NR3C2: variants seen among roughly 807,000 people sequenced by gnomAD.
The protein encoded by NR3C2 is nuclear receptor subfamily 3 group C member 2, also known as mineralocorticoid receptor.
Under a neutral mutation model 86.4 loss-of-function variants are expected in NR3C2, and 15 were observed. That is an observed-to-expected ratio of 0.17 (90% CI 0.12 to 0.27). NR3C2 has a LOEUF of 0.27. Among genes scored for constraint, NR3C2 ranks in the 10% least tolerant of loss-of-function variants. The pLI is 1.00. For synonymous variants in NR3C2, 458 were observed against 450.5 expected, an observed-to-expected ratio of 1.02 and a Z score of -0.21; for missense variants, 960 against 1,195.6, an observed-to-expected ratio of 0.80 and a Z score of 2.91.
intron 4 of NR3C2, among the ~76,000 whole-genome samples, chr4:148,187,717 G>C (rs1018692653): frequency 6.6e-6 from 1 of 152,120 alleles, no homozygotes; most frequent in Non-Finnish European, 1.5e-5. Context: ...AAGCTCTTTA[G>C]TTTAATAAGG....
chr4:148,277,775 C>T (rs1434310982), intron 2 of NR3C2, among the ~76,000 whole-genome samples: 1 of 152,126 alleles, frequency 6.6e-6, no homozygotes, highest in African/African-American at 2.4e-5. Context: ...TGACCCCACC[C>T]CACACCAGCA....
At chr4:148,247,580 T>C (rs1739378651) in intron 3 of NR3C2, among the ~76,000 whole-genome samples, 1 of 151,486 alleles carries the variant, frequency 6.6e-6, no homozygotes, top group Non-Finnish European at 1.5e-5. Context: ...ATTTAAAAAA[T>C]AGAAGCACAC....
chr4:148,261,413 T>TGCGCTATGGTAA (rs1272212030), intron 2 of NR3C2, among the ~76,000 whole-genome samples: 2 of 151,724 alleles, frequency 1.3e-5, no homozygotes, highest in Admixed American at 6.6e-5. Context: ...AGTGCTATGG[T>TGCGCTATGGTAA]GCGCTATGGT....
intron 2 of NR3C2, among the ~76,000 whole-genome samples, chr4:148,371,146 G>T (rs1320799813): frequency 2.4e-4 from 37 of 152,096 alleles, no homozygotes; most frequent in Admixed American, 2.4e-3. Context: ...GGGGTAAATG[G>T]GGAATCCATC....
At chr4:148,249,069 C>A (rs72655213) in intron 3 of NR3C2, among the ~76,000 whole-genome samples, 1 of 152,096 alleles carries the variant, frequency 6.6e-6, no homozygotes, top group Admixed American at 6.6e-5. Context: ...TTGGAACCTA[C>A]AATGGTGCCG....
At chr4:148,348,845 T>A (rs986345766) in intron 2 of NR3C2, among the ~76,000 whole-genome samples, 1 of 152,166 alleles carries the variant, frequency 6.6e-6, no homozygotes, top group African/African-American at 2.4e-5. Context: ...GTTTATTGGC[T>A]TTATCAAAAG....
At chr4:148,204,048 T>C (rs1415861179) in intron 3 of NR3C2, among the ~76,000 whole-genome samples, 1 of 152,198 alleles carries the variant, frequency 6.6e-6, no homozygotes, top group Non-Finnish European at 1.5e-5. Flanking sequence ...AAGCACAAAA[T>C]TCCCACATAA....
chr4:148,135,645 C>A (rs898624971), intron 6 of NR3C2, among the ~76,000 whole-genome samples: 24 of 152,000 alleles, frequency 1.6e-4, no homozygotes, highest in Non-Finnish European at 1.0e-4. Flanking sequence ...GTAATTTCTG[C>A]AACTGAAATT....
rs191538285 is a variant in NR3C2, at chr4:148,247,368, T to C, written c.1897+12610A>G. On this transcript the variant is annotated intron_variant, in intron 3 of 8. Transcript: ENST00000358102. ...TTACAACTTAGTCTGATAAAGAAACTAGCTACCCGTATCTGAAAACTCCAA... is the reference window on the plus strand; with the variant it reads ...TTACAACTTAGTCTGATAAAGAAACCAGCTACCCGTATCTGAAAACTCCAA... Among the ~76,000 whole-genome samples, 259 of 152,314 alleles carry C rather than the reference T, an allele frequency of 1.7e-3. 4 individuals are homozygous for C. The highest frequency in any genetic ancestry group is 3.3e-3 in the Admixed American group (50 of 15,286).
chr4:148,386,750 A>G (rs541928841), intron 2 of NR3C2, among the ~76,000 whole-genome samples: 2 of 152,334 alleles, frequency 1.3e-5, no homozygotes, highest in Admixed American at 6.5e-5. Flanking sequence ...CCTGTGGTCA[A>G]TTTCAAGAGA....
At chr4:148,129,982 A>G (rs1290726605) in intron 6 of NR3C2, among the ~76,000 whole-genome samples, 17 of 152,298 alleles carry the variant, frequency 1.1e-4, no homozygotes, top group Admixed American at 4.6e-4. Context: ...TTCTTCTTTT[A>G]TAATATACAA....
At chr4:148,383,182 T>C (rs887923923) in intron 2 of NR3C2, among the ~76,000 whole-genome samples, 4 of 152,204 alleles carry the variant, frequency 2.6e-5, no homozygotes, top group African/African-American at 9.6e-5. Context: ...TTCATTATAC[T>C]ACATAAAAAG....
intron 2 of NR3C2, among the ~76,000 whole-genome samples, chr4:148,372,572 C>T (rs1190238812): frequency 6.6e-6 from 1 of 151,996 alleles, no homozygotes; most frequent in African/African-American, 2.4e-5. Flanking sequence ...AATGTGCCTA[C>T]AAGCAATCTA....
chr4:148,430,342 T>A (rs534918780), intron 2 of NR3C2, among the ~76,000 whole-genome samples: 36 of 152,226 alleles, frequency 2.4e-4, no homozygotes, highest in African/African-American at 7.5e-4. Flanking sequence ...CATATAAACC[T>A]ACGATATTTG....
At chr4:148,209,343 T>G (rs1051145542) in intron 3 of NR3C2, among the ~76,000 whole-genome samples, 1 of 152,170 alleles carries the variant, frequency 6.6e-6, no homozygotes, top group Non-Finnish European at 1.5e-5. Context: ...ACGGGTGGGC[T>G]ATCACAGCTT....
chr4:148,409,315 G>T (rs573747355), intron 2 of NR3C2, among the ~76,000 whole-genome samples: 1 of 152,020 alleles, frequency 6.6e-6, no homozygotes, highest in East Asian at 1.9e-4. Flanking sequence ...ACGTTTATTA[G>T]CCTTTTATAT....
chr4:148,089,017 C>T (rs1387208260), intron 8 of NR3C2, among the ~76,000 whole-genome samples: 1 of 152,066 alleles, frequency 6.6e-6, no homozygotes, highest in Admixed American at 6.5e-5. Context: ...TGTCACCTGC[C>T]ACAAAATAAC....
chr4:148,362,838 T>A (rs1445624166), intron 2 of NR3C2, among the ~76,000 whole-genome samples: 1 of 152,210 alleles, frequency 6.6e-6, no homozygotes, highest in East Asian at 1.9e-4. Flanking sequence ...AGGGCTGACT[T>A]AAGCAGGGAA....
intron 2 of NR3C2, among the ~76,000 whole-genome samples, chr4:148,316,158 G>A (rs1743161568): frequency 6.6e-6 from 1 of 151,936 alleles, no homozygotes; most frequent in Non-Finnish European, 1.5e-5. Flanking sequence ...CAAAATAGCA[G>A]AAAATAATTG....
Sources: gnomAD v4.1 joint callset for allele counts (sites outside exome capture counted in the v4.1 genomes callset) on GRCh38, gnomAD v4.1.1 for gene constraint, MANE v1.5 for transcripts, NCBI Gene and HGNC (gene_info 2026-07-23, HGNC 2026-07-21) for gene names.